OPN5: variants seen among roughly 807,000 people sequenced by gnomAD.
OPN5 encodes the protein opsin 5.
In OPN5, 18 loss-of-function variants were observed where a neutral mutation model predicts 41.7. That is an observed-to-expected ratio of 0.43 (90% CI 0.30 to 0.64). OPN5 has a LOEUF of 0.64. Ranked by LOEUF, OPN5 falls within the 30% of genes least tolerant of loss-of-function variation. The probability of loss-of-function intolerance (pLI) is 0.13; values close to 1 mark genes in which losing one functional copy is unlikely to be tolerated. For synonymous variants in OPN5, 178 were observed against 164.3 expected, an observed-to-expected ratio of 1.08 and a Z score of -0.64; for missense variants, 318 against 434.5, an observed-to-expected ratio of 0.73 and a Z score of 2.38.
exon 7 of OPN5, chr6:47,824,412 A>G (rs1030847912): frequency 9.4e-6 from 2 of 212,952 alleles, no homozygotes; most frequent in African/African-American, 2.3e-5. Context: ...ATTGCAGATG[A>G]TGTACTGGGC....
intron 6 of OPN5, among the ~76,000 whole-genome samples, chr6:47,820,566 C>T (rs746586262): frequency 7.9e-5 from 12 of 152,066 alleles, no homozygotes; most frequent in Non-Finnish European, 1.2e-4. Flanking sequence ...TTAAGGGAGT[C>T]GGGAGGTCCT....
intron 5 of OPN5, among the ~76,000 whole-genome samples, chr6:47,811,367 C>G (rs1297559966): frequency 1.3e-5 from 2 of 152,118 alleles, no homozygotes; most frequent in Admixed American, 6.6e-5. Flanking sequence ...AGGTGAATCA[C>G]AAGGCCTACA....
chr6:47,782,566 T>C (rs776690265), intron 1 of OPN5, among the ~76,000 whole-genome samples: 1 of 152,184 alleles, frequency 6.6e-6, no homozygotes, highest in Non-Finnish European at 1.5e-5. Context: ...TCATAAGTTT[T>C]AGGTTGAGAA....
exon 7 of OPN5, chr6:47,824,682 C>G (rs1762741000): frequency 6.6e-6 from 1 of 152,122 alleles, no homozygotes; most frequent in South Asian, 2.1e-4. Context: ...GATGTGAGTT[C>G]CATGTAGGCA....
At chr6:47,797,615 A>G (rs9296584) in intron 4 of OPN5, among the ~76,000 whole-genome samples, 73,662 of 152,086 alleles carry the variant, frequency 0.48, 19,690 homozygotes, top group East Asian at 0.88. Flanking sequence ...AATGATGTGC[A>G]GACATTCATC....
chr6:47,805,296 G>A (rs1413769311), intron 4 of OPN5, among the ~76,000 whole-genome samples: 1 of 152,152 alleles, frequency 6.6e-6, no homozygotes, highest in Non-Finnish European at 1.5e-5. Flanking sequence ...GCTAAGCATA[G>A]GTGAGAATTT....
chr6:47,799,249 C>A (rs1038337926), intron 4 of OPN5, among the ~76,000 whole-genome samples: 1 of 150,216 alleles, frequency 6.7e-6, no homozygotes, highest in African/African-American at 2.5e-5. Context: ...ACATGATATA[C>A]ATGATATACA....
chr6:47,822,736 G>T (rs368694492), intron 6 of OPN5, among the ~76,000 whole-genome samples: 2 of 152,310 alleles, frequency 1.3e-5, no homozygotes, highest in Admixed American at 6.5e-5. Flanking sequence ...AGGCAGATTG[G>T]CCATGAGAGC....
intron 3 of OPN5, 126 bp downstream of exon 3, chr6:47,792,098 A>G: frequency 3.0e-6 from 2 of 662,376 alleles, no homozygotes; most frequent in Non-Finnish European, 5.1e-6. Context: ...GAATATTTCT[A>G]TTTATAGCCT....
intron 1 of OPN5, among the ~76,000 whole-genome samples, chr6:47,784,812 T>C (rs116206890): frequency 0.014 from 2,188 of 152,328 alleles, 28 homozygotes; most frequent in South Asian, 0.035. Context: ...TTAATATATA[T>C]GATATTTTTG....
chr6:47,807,397 A>C (rs1304942937), intron 4 of OPN5, among the ~76,000 whole-genome samples: 1 of 152,220 alleles, frequency 6.6e-6, no homozygotes, highest in Non-Finnish European at 1.5e-5. Context: ...GGGTAGTTAC[A>C]CAGCACTAAT....
downstream of OPN5, chr6:47,825,552 A>G (rs1047086197): frequency 2.0e-5 from 3 of 152,174 alleles, no homozygotes; most frequent in African/African-American, 4.8e-5. Flanking sequence ...TGACAGATGA[A>G]CATGAGTCTT....
chr6:47,805,451 A>G (rs1172571601), intron 4 of OPN5, among the ~76,000 whole-genome samples: 2 of 151,970 alleles, frequency 1.3e-5, no homozygotes, highest in East Asian at 3.9e-4. Flanking sequence ...TGTGTGCTGC[A>G]GGTAATGTTC....
chr6:47,811,289 A>T (rs1299290104), intron 5 of OPN5, among the ~76,000 whole-genome samples: 2 of 152,172 alleles, frequency 1.3e-5, no homozygotes, highest in African/African-American at 2.4e-5. Context: ...TGGCATTGCT[A>T]TCATAATCAA....
At chr6:47,792,862 A>G (rs1773424205) in intron 3 of OPN5, among the ~76,000 whole-genome samples, 1 of 152,096 alleles carries the variant, frequency 6.6e-6, no homozygotes, top group African/African-American at 2.4e-5. Context: ...TGACACTGTC[A>G]ATGTGGTAGA....
At chr6:47,822,047 G>A (rs1762642136) in intron 6 of OPN5, among the ~76,000 whole-genome samples, 1 of 151,378 alleles carries the variant, frequency 6.6e-6, no homozygotes, top group Non-Finnish European at 1.5e-5. Flanking sequence ...AGAAGGTGAA[G>A]GTTGCAGCAA....
At chr6:47,825,407 C>G (rs915156711), downstream of OPN5, 29 of 152,240 alleles carry the variant, frequency 1.9e-4, no homozygotes, top group Non-Finnish European at 2.9e-4. Flanking sequence ...TTGTTGTTAT[C>G]AGGAGAGAGA....
At chr6:47,819,354 A>ATATATAGATATATATATATATATATATAT (rs1389298718) in intron 6 of OPN5, among the ~76,000 whole-genome samples, 1 of 59,042 alleles carries the variant, frequency 1.7e-5, no homozygotes, top group Non-Finnish European at 3.5e-5. Context: ...TATATATATA[A>ATATATAGATATATATATATATATATATAT]AAAATATATT....
intron 4 of OPN5, among the ~76,000 whole-genome samples, chr6:47,795,776 T>TCACACACACA (rs879658004): frequency 1.3e-4 from 14 of 104,146 alleles, no homozygotes; most frequent in African/African-American, 5.2e-4. Context: ...TCTCTCTCTC[T>TCACACACACA]CTCACACACA....
Sources: allele counts gnomAD v4.1 joint callset (sites outside exome capture counted in the v4.1 genomes callset), GRCh38; gene constraint gnomAD v4.1.1; transcripts MANE v1.5; gene names NCBI Gene and HGNC (gene_info 2026-07-23, HGNC 2026-07-21).